AGBL4: variants seen among roughly 807,000 people sequenced by gnomAD.
AGBL4 encodes AGBL carboxypeptidase 4.
In AGBL4, 58 loss-of-function variants were observed where a neutral mutation model predicts 66.4. The ratio of observed to expected loss-of-function variants is 0.87; its 90% confidence interval spans 0.71 to 1.09. AGBL4 has a LOEUF of 1.09. Among genes scored for constraint, AGBL4 ranks in the 50% least tolerant of loss-of-function variants. The probability of loss-of-function intolerance (pLI) is 0.00; values close to 1 mark genes in which losing one functional copy is unlikely to be tolerated. For synonymous variants in AGBL4, 234 were observed against 222.9 expected (o/e 1.05, Z -0.44); for missense variants, 579 against 631.0 (o/e 0.92, Z 0.88).
chr1:49,869,124 T>C lies in AGBL4; in HGVS notation c.35-17606A>G, dbSNP rs956508643. On this transcript the variant is annotated intron_variant, in intron 1 of 13. Coordinates refer to ENST00000371839, the MANE Select transcript of AGBL4 (RefSeq NM_032785.4). ...AGATGTTGGTGAGGCTGTGGATAAA[T>C]AGGAACACTTTTACACTGTTGGTGG... Among the ~76,000 whole-genome samples, 5 of 152,152 alleles carry C rather than the reference T, an allele frequency of 3.3e-5. No homozygotes were observed. The East Asian group carries it at 9.6e-4, about 29-fold the overall frequency.
At chr1:49,287,914 C>T (rs1203347991) in intron 3 of AGBL4, among the ~76,000 whole-genome samples, 1 of 137,136 alleles carries the variant, frequency 7.3e-6, no homozygotes, top group African/African-American at 2.8e-5. Flanking sequence ...CACATGCACA[C>T]GTATGTTTAT....
intron 5 of AGBL4, among the ~76,000 whole-genome samples, chr1:49,006,750 C>A (rs1471653536): frequency 2.7e-5 from 3 of 112,044 alleles, no homozygotes; most frequent in African/African-American, 9.0e-5. Flanking sequence ...CTGGGAGGCA[C>A]CCCCCAGCAG....
At chr1:49,680,959 A>G (rs1158869804) in intron 3 of AGBL4, among the ~76,000 whole-genome samples, 1 of 151,214 alleles carries the variant, frequency 6.6e-6, no homozygotes, top group Non-Finnish European at 1.5e-5. Context: ...TACATTCTAC[A>G]TTAACGTTCA....
intron 4 of AGBL4, among the ~76,000 whole-genome samples, chr1:49,058,508 A>G (rs1644345863): frequency 6.6e-6 from 1 of 152,204 alleles, no homozygotes; most frequent in African/African-American, 2.4e-5. Context: ...ACTGTGAACC[A>G]ATTAAACCTC....
intron 4 of AGBL4, among the ~76,000 whole-genome samples, chr1:49,159,574 G>A (rs973798173): frequency 6.6e-6 from 1 of 152,074 alleles, no homozygotes; most frequent in African/African-American, 2.4e-5. Flanking sequence ...TCTTTGTGGT[G>A]TTCTCTGTAT....
intron 3 of AGBL4, among the ~76,000 whole-genome samples, chr1:49,646,312 T>C (rs924017005): frequency 6.6e-6 from 1 of 152,048 alleles, no homozygotes; most frequent in East Asian, 1.9e-4. Context: ...TGTGAAAAGC[T>C]ACAAGTACTA....
In AGBL4 at chr1:48,572,371, G is replaced by A. The variant is rs117570487; in HGVS notation, c.1267+14633C>T. 4.9e-3 allele frequency among the ~76,000 whole-genome samples: 742 copies of A among 152,046 alleles called. 16 individuals are homozygous for A. Among genetic ancestry groups the A allele is most frequent in the South Asian group, 0.045 (214 of 4,790 alleles). On this transcript the variant is annotated intron_variant, in intron 11 of 13. Transcript: ENST00000371839. Reference sequence around the variant, plus strand: ...ATACTAAATATGTATTTAGTGCAATGCATTTCCACTATTCGCCTTGAGAGA... The same window carrying A: ...ATACTAAATATGTATTTAGTGCAATACATTTCCACTATTCGCCTTGAGAGA...
chr1:48,770,015 C>T (rs771112621), intron 6 of AGBL4, among the ~76,000 whole-genome samples: 4 of 152,102 alleles, frequency 2.6e-5, no homozygotes, highest in Middle Eastern at 3.2e-3. Context: ...CTAAAATACC[C>T]CTGACCTGCT....
At chr1:49,601,226 G>A (rs764872485) in intron 3 of AGBL4, among the ~76,000 whole-genome samples, 24 of 151,852 alleles carry the variant, frequency 1.6e-4, no homozygotes, top group Non-Finnish European at 3.1e-4. Flanking sequence ...GAGTATTTTC[G>A]AACTTAGTTC....
chr1:48,940,006 G>A (rs973372860), intron 5 of AGBL4, among the ~76,000 whole-genome samples: 2 of 152,152 alleles, frequency 1.3e-5, no homozygotes, highest in African/African-American at 2.4e-5. Context: ...ATTATCTGGC[G>A]CAAAATGTCG....
At chr1:49,845,956 G>C in intron 2 of AGBL4, 1 of 1,540,824 alleles carries the variant, frequency 6.5e-7, no homozygotes, top group Non-Finnish European at 9.0e-7. Flanking sequence ...GCCACAGCTT[G>C]TCCCTCACCA....
intron 3 of AGBL4, among the ~76,000 whole-genome samples, chr1:49,598,253 G>A (rs1378693494): frequency 1.3e-5 from 2 of 152,166 alleles, no homozygotes; most frequent in East Asian, 1.9e-4. Context: ...TTCCGTTGCT[G>A]GTGAGGAACT....
At chr1:49,032,366 T>C (rs1407311456) in intron 5 of AGBL4, among the ~76,000 whole-genome samples, 1 of 152,164 alleles carries the variant, frequency 6.6e-6, no homozygotes, top group African/African-American at 2.4e-5. Flanking sequence ...TTCATAGAAA[T>C]GTCCAAGATG....
intron 6 of AGBL4, among the ~76,000 whole-genome samples, chr1:48,863,655 G>A (rs1647702110): frequency 6.6e-6 from 1 of 152,040 alleles, no homozygotes. Context: ...AATAGATTTT[G>A]TATATAGTAA....
intron 8 of AGBL4, among the ~76,000 whole-genome samples, chr1:48,642,924 C>T (rs79648899): frequency 0.018 from 2,670 of 152,276 alleles, 40 homozygotes; most frequent in Middle Eastern, 0.061. Flanking sequence ...TGGAGCCACA[C>T]GGCCTGGATA....
intron 4 of AGBL4, among the ~76,000 whole-genome samples, chr1:49,155,037 A>G (rs753487108): frequency 1.3e-5 from 2 of 152,032 alleles, no homozygotes; most frequent in Non-Finnish European, 2.9e-5. Flanking sequence ...AAAACAGTGC[A>G]CTCTTCTTCA....
At position 48,534,289 on chromosome 1, in the gene AGBL4, C is replaced by G; in HGVS notation, c.1396G>C (p.Glu466Gln). 5 of 1,550,204 alleles carry G rather than the reference C, an allele frequency of 3.2e-6. No homozygotes were observed. Among genetic ancestry groups the G allele is most frequent in the Non-Finnish European group, 4.4e-6 (5 of 1,146,412 alleles). ...GGGTGCTTGTAAGGAGGGGATTTTT[C>G]TTTCCTGCAAAGGGGGAGATAACAG... ...NKEIEVQRRK[E>Q]KSPPYKHPLL... is the part of the protein sequence containing the mutation. The change falls in exon 14 of 14, where the codon GAA (glutamate) becomes CAA (glutamine). Residue 466 changes from glutamate (E) to glutamine (Q), a missense_variant. Coordinates refer to ENST00000371839, the MANE Select transcript of AGBL4 (RefSeq NM_032785.4).
chr1:48,758,808 T>C (rs1425629884), intron 6 of AGBL4: 20 of 1,189,942 alleles, frequency 1.7e-5, no homozygotes, highest in Non-Finnish European at 2.3e-5. Flanking sequence ...TCAGGGCACT[T>C]GGTCTCCCTC....
At chr1:49,587,325 G>GA (rs1222830291) in intron 3 of AGBL4, among the ~76,000 whole-genome samples, 1 of 151,600 alleles carries the variant, frequency 6.6e-6, no homozygotes, top group Non-Finnish European at 1.5e-5. Flanking sequence ...GAAGAGAAAA[G>GA]AAAAAAGAAA....
Sources: allele counts gnomAD v4.1 joint callset (sites outside exome capture counted in the v4.1 genomes callset), GRCh38; gene constraint gnomAD v4.1.1; transcripts MANE v1.5; gene names NCBI Gene and HGNC (gene_info 2026-07-23, HGNC 2026-07-21).